The following AUTS2 variants were observed in gnomAD, a reference collection of about 807,000 sequenced individuals.
The protein encoded by AUTS2 is autism susceptibility gene 2 protein.
AUTS2 carries 17 observed loss-of-function variants against 112.4 expected under a neutral mutation model. The ratio of observed to expected loss-of-function variants is 0.15; its 90% confidence interval spans 0.10 to 0.23. The LOEUF is 0.23. Among genes scored for constraint, AUTS2 ranks in the 10% least tolerant of loss-of-function variants. AUTS2 has a pLI of 1.00. For synonymous variants in AUTS2, 751 were observed against 702.7 expected (o/e 1.07, Z -1.09); for missense variants, 1,510 against 1,701.6 (o/e 0.89, Z 1.98).
At chr7:70,420,775 G>A (rs996698971) in intron 4 of AUTS2, among the ~76,000 whole-genome samples, 2 of 152,168 alleles carry the variant, frequency 1.3e-5, no homozygotes, top group African/African-American at 4.8e-5. Flanking sequence ...TCAGTGATAC[G>A]GTAAGGGACC....
chr7:70,325,451 A>G (rs1790443809), intron 4 of AUTS2, among the ~76,000 whole-genome samples: 1 of 152,216 alleles, frequency 6.6e-6, no homozygotes, highest in African/African-American at 2.4e-5. Context: ...TGATGGGCAT[A>G]TATTATGCCT....
intron 5 of AUTS2, among the ~76,000 whole-genome samples, chr7:70,552,198 C>T (rs10486869): frequency 2.6e-5 from 4 of 151,922 alleles, no homozygotes; most frequent in Non-Finnish European, 4.4e-5. Flanking sequence ...CTAATTTATA[C>T]GCAGTTCCAC....
chr7:69,876,482 GTGTATA>G (rs1793789767), intron 1 of AUTS2, among the ~76,000 whole-genome samples: 1 of 37,956 alleles, frequency 2.6e-5, no homozygotes, highest in Non-Finnish European at 4.2e-5. Flanking sequence ...AAAATATTTT[GTGTATA>G]TATATATATA....
chr7:69,799,121 A>C (rs1004952750), intron 1 of AUTS2, among the ~76,000 whole-genome samples: 1 of 151,700 alleles, frequency 6.6e-6, no homozygotes, highest in African/African-American at 2.4e-5. Context: ...CCTTCCCTGG[A>C]TCCAGGGTGA....
At chr7:70,410,516 T>C (rs1243517504) in intron 4 of AUTS2, among the ~76,000 whole-genome samples, 4 of 151,464 alleles carry the variant, frequency 2.6e-5, no homozygotes, top group Non-Finnish European at 5.9e-5. Context: ...CTTGATCTTC[T>C]GGGCTTGATT....
At chr7:70,245,167 TATA>T (rs1222263156) in intron 4 of AUTS2, among the ~76,000 whole-genome samples, 6 of 137,888 alleles carry the variant, frequency 4.4e-5, no homozygotes, top group Non-Finnish European at 7.7e-5. Context: ...TATATATATA[TATA>T]AAAAATAAAA....
rs186236195 is a variant in AUTS2 at position 70,775,494 on chromosome 7, A to G, written c.1932+108A>G. The G allele has an allele frequency of 2.0e-3, 1,765 of 897,024 alleles. 28 individuals are homozygous for G. Among genetic ancestry groups the G allele is most frequent in the South Asian group, 0.018 (1,114 of 63,424 alleles). The allele number at this position is 897,024 out of a possible 1,614,324, so 55.6% of individuals were successfully genotyped here. On this transcript the variant is annotated intron_variant, in intron 13 of 18. Coordinates refer to ENST00000342771, the MANE Select transcript of AUTS2 (RefSeq NM_015570.4). The stretch of plus-strand genomic sequence containing the variant: ...TAAGCCATAGAAATGTTGGAATAAG[A>G]CATTGGAATGACGGTGATTGGGTTT...
intron 14 of AUTS2, 52 bp downstream of exon 14, chr7:70,777,226 G>A (rs1438945630): frequency 1.3e-6 from 2 of 1,527,732 alleles, no homozygotes; most frequent in Admixed American, 3.3e-5. Context: ...ATGTGAGTGT[G>A]TGACGTGCTC....
chr7:69,945,606 T>C (rs189415917), intron 2 of AUTS2, among the ~76,000 whole-genome samples: 7 of 152,258 alleles, frequency 4.6e-5, no homozygotes, highest in Non-Finnish European at 8.8e-5. Context: ...CCATTTTTTG[T>C]TGTTGTTGTT....
intron 1 of AUTS2, among the ~76,000 whole-genome samples, chr7:69,742,917 C>G (rs1290319397): frequency 1.3e-5 from 2 of 152,088 alleles, no homozygotes; most frequent in Non-Finnish European, 1.5e-5. Flanking sequence ...TCTAGCTATT[C>G]TGTTTTTATT....
chr7:70,469,575 A>G (rs1016449038), intron 5 of AUTS2, among the ~76,000 whole-genome samples: 1 of 152,092 alleles, frequency 6.6e-6, no homozygotes, highest in African/African-American at 2.4e-5. Context: ...AGGGAGAGGG[A>G]AGCCACTGGA....
chr7:69,742,185 T>C (rs1051850029), intron 1 of AUTS2, among the ~76,000 whole-genome samples: 6 of 151,878 alleles, frequency 4.0e-5, no homozygotes, highest in Admixed American at 3.3e-4. Context: ...ACAATTTGTT[T>C]GTTCATATTT....
At chr7:70,075,148 A>G (rs1802965998) in intron 2 of AUTS2, among the ~76,000 whole-genome samples, 1 of 152,298 alleles carries the variant, frequency 6.6e-6, no homozygotes, top group Non-Finnish European at 1.5e-5. Context: ...ATCCAGAACA[A>G]TTCCCCTCCC....
At chr7:70,303,434 G>GCACACA (rs1427875852) in intron 4 of AUTS2, among the ~76,000 whole-genome samples, 2,531 of 142,000 alleles carry the variant, frequency 0.018, 58 homozygotes, top group African/African-American at 0.041. Flanking sequence ...GCGCGCGCGC[G>GCACACA]CACATACACA....
At chr7:69,919,302 G>A (rs191772663) in intron 2 of AUTS2, among the ~76,000 whole-genome samples, 7 of 152,088 alleles carry the variant, frequency 4.6e-5, no homozygotes, top group African/African-American at 1.2e-4. Context: ...ATCTGTTAAG[G>A]TTCCTCTTTC....
chr7:70,704,930 C>T (rs1248275717), intron 6 of AUTS2, among the ~76,000 whole-genome samples: 3 of 152,206 alleles, frequency 2.0e-5, no homozygotes, highest in Non-Finnish European at 4.4e-5. Flanking sequence ...TAATTACAGA[C>T]GCCAGTTAAG....
intron 2 of AUTS2, among the ~76,000 whole-genome samples, chr7:70,087,348 T>G (rs1454659295): frequency 2.6e-5 from 4 of 151,282 alleles, no homozygotes; most frequent in African/African-American, 9.7e-5. Context: ...TAGTTGAACT[T>G]AATTAGCCTG....
chr7:69,973,766 GC>G (rs756936724), intron 2 of AUTS2, among the ~76,000 whole-genome samples: 1 of 151,956 alleles, frequency 6.6e-6, no homozygotes, highest in Admixed American at 6.6e-5. Flanking sequence ...AACCATTCTT[GC>G]AAGCCTGGAA....
chr7:70,582,244 G>A (rs1005118470), intron 5 of AUTS2, among the ~76,000 whole-genome samples: 1 of 151,916 alleles, frequency 6.6e-6, no homozygotes, highest in African/African-American at 2.4e-5. Context: ...CCTCACACAG[G>A]CTGTCTTCTC....
Sources: allele counts gnomAD v4.1 joint callset (sites outside exome capture counted in the v4.1 genomes callset), GRCh38; gene constraint gnomAD v4.1.1; transcripts MANE v1.5; gene names NCBI Gene and HGNC (gene_info 2026-07-23, HGNC 2026-07-21).